The following ZNF516 variants were observed in gnomAD, a reference collection of about 807,000 sequenced individuals.
ZNF516 encodes the protein zinc finger protein 516.
In ZNF516, 19 loss-of-function variants were observed where a neutral mutation model predicts 79.7. That is an observed-to-expected ratio of 0.24 (90% CI 0.17 to 0.35). The LOEUF is 0.35. Among genes scored for constraint, ZNF516 ranks in the 10% least tolerant of loss-of-function variants. The probability of loss-of-function intolerance (pLI) is 1.00; values close to 1 mark genes in which losing one functional copy is unlikely to be tolerated. For missense variants in ZNF516, 1,678 were observed against 1,679.5 expected, an observed-to-expected ratio of 1.00 and a Z score of 0.02; for synonymous variants, 877 against 739.5, an observed-to-expected ratio of 1.19 and a Z score of -3.02.
At chr18:76,456,835 A>C (rs1309501315) in intron 2 of ZNF516, among the ~76,000 whole-genome samples, 1 of 152,256 alleles carries the variant, frequency 6.6e-6, no homozygotes, top group Non-Finnish European at 1.5e-5. Context: ...CTATTCATGC[A>C]AACATATAAT....
chr18:76,486,987 T>C (rs1242346817), intron 1 of ZNF516, among the ~76,000 whole-genome samples: 2 of 152,206 alleles, frequency 1.3e-5, no homozygotes, highest in Non-Finnish European at 2.9e-5. Context: ...TTTTAAATAA[T>C]TTTTCCTACT....
intron 3 of ZNF516, among the ~76,000 whole-genome samples, chr18:76,414,395 G>A (rs1376631380): frequency 1.3e-5 from 2 of 152,192 alleles, no homozygotes; most frequent in Non-Finnish European, 2.9e-5. Flanking sequence ...TCCCTAAAAT[G>A]TAATATAATG....
At chr18:76,388,316 G>GAT (rs1365067932) in intron 3 of ZNF516, 3 of 152,228 alleles carry the variant, frequency 2.0e-5, no homozygotes, top group Non-Finnish European at 4.4e-5. Flanking sequence ...GCCATCCACA[G>GAT]ATAGCAACTG....
At chr18:76,430,627 C>T (rs541143746) in intron 3 of ZNF516, among the ~76,000 whole-genome samples, 1 of 152,196 alleles carries the variant, frequency 6.6e-6, no homozygotes, top group Non-Finnish European at 1.5e-5. Context: ...GGATGGCCAG[C>T]TCAACAAATG....
At position 76,363,858 on chromosome 18, in the gene ZNF516, G is replaced by C. The variant is rs1302071919; in HGVS notation, c.3433-1301C>G. Among the ~76,000 whole-genome samples the C allele has an allele frequency of 2.6e-5, 4 of 152,222 alleles. No homozygotes were observed. The East Asian group carries it at 7.7e-4, about 29-fold the overall frequency. On this transcript the variant is annotated intron_variant, in intron 6 of 6. Coordinates refer to ENST00000443185, the MANE Select transcript of ZNF516 (RefSeq NM_014643.4). ...AGTTAGCTATTGGGTGTTTGGCCTTGACCGTCTCTGCATAGCAAACATAGA... is the reference window on the plus strand; with the variant it reads ...AGTTAGCTATTGGGTGTTTGGCCTTCACCGTCTCTGCATAGCAAACATAGA...
chr18:76,433,814 C>A (rs1487647878), intron 3 of ZNF516, among the ~76,000 whole-genome samples: 1 of 152,222 alleles, frequency 6.6e-6, no homozygotes, highest in African/African-American at 2.4e-5. Context: ...ACAACCAACA[C>A]AGGCAGGTGC....
chr18:76,443,068 G>A lies in ZNF516; in HGVS notation c.-14C>T, dbSNP rs375387572. 43 of 1,568,378 alleles carry A rather than the reference G, an allele frequency of 2.7e-5. No homozygotes were observed. The African/African-American group carries it at 4.6e-4, about 17-fold the overall frequency. ...GTTGCGATCCATCCGAAGGACGGGC[G>A]CGGCCGGTGGTGGCGGCACAGCTTT... On this transcript the variant is annotated 5_prime_UTR_variant, in exon 3 of 7. Transcript: ENST00000443185.
chr18:76,484,023 G>A (rs183795264), intron 1 of ZNF516, among the ~76,000 whole-genome samples: 3 of 152,296 alleles, frequency 2.0e-5, no homozygotes, highest in Non-Finnish European at 2.9e-5. Flanking sequence ...AAGCTGAAGG[G>A]GGGCTCTCCC....
intron 1 of ZNF516, among the ~76,000 whole-genome samples, chr18:76,471,164 G>A (rs574716955): frequency 6.6e-6 from 1 of 151,710 alleles, no homozygotes; most frequent in African/African-American, 2.4e-5. Context: ...TGAAAAACTT[G>A]TCAGGAATAA....
chr18:76,372,109 G>A (rs1472364453), intron 4 of ZNF516, among the ~76,000 whole-genome samples: 1 of 152,206 alleles, frequency 6.6e-6, no homozygotes, highest in Non-Finnish European at 1.5e-5. Context: ...CCAGAAGGGA[G>A]GGGACACCTA....
At chr18:76,377,453 G>C (rs1283865601) in intron 4 of ZNF516, among the ~76,000 whole-genome samples, 1 of 152,250 alleles carries the variant, frequency 6.6e-6, no homozygotes, top group Non-Finnish European at 1.5e-5. Flanking sequence ...ACCTTGGGTG[G>C]GCATCCCTCA....
chr18:76,406,296 T>G (rs1489131891), intron 3 of ZNF516, among the ~76,000 whole-genome samples: 1 of 152,210 alleles, frequency 6.6e-6, no homozygotes, highest in African/African-American at 2.4e-5. Flanking sequence ...CCGGGCGCGG[T>G]GGCTCACGCC....
intron 1 of ZNF516, among the ~76,000 whole-genome samples, chr18:76,477,065 G>A (rs1914215117): frequency 6.6e-6 from 1 of 152,162 alleles, no homozygotes. Flanking sequence ...ATTTCCGTAT[G>A]TCCAAAGCAC....
At chr18:76,372,149 C>A (rs1008009661) in intron 4 of ZNF516, among the ~76,000 whole-genome samples, 1 of 152,248 alleles carries the variant, frequency 6.6e-6, no homozygotes, top group Non-Finnish European at 1.5e-5. Flanking sequence ...CCCCAAGGTG[C>A]GTGCACCTGC....
At chr18:76,454,092 C>A (rs2145627778) in intron 2 of ZNF516, among the ~76,000 whole-genome samples, 1 of 152,258 alleles carries the variant, frequency 6.6e-6, no homozygotes, top group South Asian at 2.1e-4. Flanking sequence ...AAGAACTGTG[C>A]CCAAGAATAC....
intron 5 of ZNF516, 117 bp from the exon 6 acceptor site, chr18:76,370,712 T>C: frequency 1.2e-6 from 1 of 834,218 alleles, no homozygotes; most frequent in Non-Finnish European, 1.7e-6. Context: ...GCCTAGCCTG[T>C]GGCTGGAAAA....
Position 76,463,127 on chromosome 18 carries a change from G to A in ZNF516, c.-257C>T, listed in dbSNP as rs1913229961. 6.6e-6 allele frequency: 1 copy of A among 152,126 alleles called. No homozygotes were observed. The highest frequency in any genetic ancestry group is 2.4e-5 in the African/African-American group (1 of 41,426). The allele number at this position is 152,126 out of a possible 1,614,324, so 9.4% of individuals were successfully genotyped here. The stretch of plus-strand genomic sequence containing the variant: ...TTCAGAGAAGGACCGAACTCCACTC[G>A]GCCTCTCTCAGATTCTGAAATGAGG... On this transcript the variant is annotated 5_prime_UTR_variant, in exon 2 of 7. An upstream open reading frame in the 5' UTR gains an earlier in-frame stop. Transcript: ENST00000443185.
intron 4 of ZNF516, chr18:76,372,773 A>G (rs918743789): frequency 6.6e-6 from 1 of 152,268 alleles, no homozygotes; most frequent in Non-Finnish European, 1.5e-5. Context: ...AGAGAAATTC[A>G]ACAACTTAGC....
intron 1 of ZNF516, among the ~76,000 whole-genome samples, chr18:76,472,243 C>T (rs1282180678): frequency 6.6e-6 from 1 of 152,194 alleles, no homozygotes; most frequent in Non-Finnish European, 1.5e-5. Flanking sequence ...AGTCCATATT[C>T]CTCAAGACAA....
Sources: gnomAD v4.1 joint callset for allele counts (sites outside exome capture counted in the v4.1 genomes callset) on GRCh38, gnomAD v4.1.1 for gene constraint, MANE v1.5 for transcripts, NCBI Gene and HGNC (gene_info 2026-07-23, HGNC 2026-07-21) for gene names.